Variants in RBFOX3 observed in about 807,000 individuals in gnomAD.
RBFOX3 encodes RNA binding fox-1 homolog 3.
Under a neutral mutation model 48.7 loss-of-function variants are expected in RBFOX3, and 17 were observed. That is an observed-to-expected ratio of 0.35 (90% confidence interval 0.24 to 0.52). The LOEUF (loss-of-function observed/expected upper bound fraction) is 0.52. Ranked by LOEUF, RBFOX3 falls within the 20% of genes least tolerant of loss-of-function variation. The pLI is 0.94. For synonymous variants in RBFOX3, 212 were observed against 209.5 expected (o/e 1.01, Z -0.10); for missense variants, 382 against 497.5 (o/e 0.77, Z 2.21).
chr17:79,340,151 T>C (rs2081833838), intron 2 of RBFOX3, among the ~76,000 whole-genome samples: 1 of 151,792 alleles, frequency 6.6e-6, no homozygotes, highest in South Asian at 2.1e-4. Context: ...ATACAAAAAT[T>C]AGCCAGGTGT....
intron 1 of RBFOX3, among the ~76,000 whole-genome samples, chr17:79,532,870 G>A (rs1292795859): frequency 6.6e-6 from 1 of 152,226 alleles, no homozygotes; most frequent in African/African-American, 2.4e-5. Context: ...GTCAGGGAAG[G>A]GGTGGCCCCT....
intron 3 of RBFOX3, among the ~76,000 whole-genome samples, chr17:79,255,725 C>T (rs11870114): frequency 0.055 from 8,363 of 152,022 alleles, 559 homozygotes; most frequent in African/African-American, 0.16. Context: ...ATCACCATCC[C>T]GGGGGCACCT....
At chr17:79,098,365 AATG>A (rs2075793148) in intron 9 of RBFOX3, 1 of 153,388 alleles carries the variant, frequency 6.5e-6, no homozygotes, top group Admixed American at 6.4e-5. Flanking sequence ...TTGGACTGGG[AATG>A]ATAATAAGGA....
At chr17:79,306,726 G>C (rs2145553147) in intron 3 of RBFOX3, among the ~76,000 whole-genome samples, 1 of 152,306 alleles carries the variant, frequency 6.6e-6, no homozygotes, top group East Asian at 1.9e-4. Context: ...TGGCTGCCCA[G>C]ATACCAACAG....
chr17:79,321,705 C>CTT (rs55633027), intron 2 of RBFOX3, among the ~76,000 whole-genome samples: 91,418 of 134,038 alleles, frequency 0.68, 31,631 homozygotes, highest in Non-Finnish European at 0.72. Context: ...AGGAATCTGG[C>CTT]TTTTTTTTTT....
chr17:79,239,465 G>A (rs529357700), intron 3 of RBFOX3, among the ~76,000 whole-genome samples: 1 of 152,322 alleles, frequency 6.6e-6, no homozygotes, highest in East Asian at 1.9e-4. Flanking sequence ...TTCCCCAAGT[G>A]CACATGCAGT....
At chr17:79,474,837 G>A (rs2077503426) in intron 2 of RBFOX3, among the ~76,000 whole-genome samples, 1 of 152,082 alleles carries the variant, frequency 6.6e-6, no homozygotes, top group Non-Finnish European at 1.5e-5. Flanking sequence ...ACCCAAAAAT[G>A]TGTCCACATC....
upstream of RBFOX3, among the ~76,000 whole-genome samples, chr17:79,614,939 G>A (rs1162363877): frequency 6.6e-6 from 1 of 151,854 alleles, no homozygotes; most frequent in Non-Finnish European, 1.5e-5. Flanking sequence ...GGAGGAGGAG[G>A]AGAAGAAAGG....
chr17:79,210,853 C>T (rs187775955), intron 4 of RBFOX3, among the ~76,000 whole-genome samples: 11 of 150,772 alleles, frequency 7.3e-5, no homozygotes, highest in African/African-American at 1.7e-4. Context: ...CTCCAGCGTC[C>T]GGTGATCTCA....
chr17:79,150,968 G>A (rs775743183), intron 4 of RBFOX3, among the ~76,000 whole-genome samples: 1 of 152,210 alleles, frequency 6.6e-6, no homozygotes, highest in Non-Finnish European at 1.5e-5. Context: ...AGAGGGCTGG[G>A]CAGTGCTGGT....
chr17:79,356,367 TTTTTTTTTTTTTTTTTTTTG>T (rs2085072717), intron 2 of RBFOX3, among the ~76,000 whole-genome samples: 1 of 76,998 alleles, frequency 1.3e-5, no homozygotes, highest in Non-Finnish European at 2.8e-5. Context: ...TTTTTTTTTT[TTTTTTTTTTTTTTTTTTTTG>T]AGGAGGAGTC....
chr17:79,258,414 G>T (rs11649881), intron 3 of RBFOX3, among the ~76,000 whole-genome samples: 1 of 152,212 alleles, frequency 6.6e-6, no homozygotes, highest in Non-Finnish European at 1.5e-5. Flanking sequence ...GAACCCACCA[G>T]GTGTGTTGCC....
At position 79,436,151 on chromosome 17, in the gene RBFOX3, C is replaced by T. The variant is rs564892011; in HGVS notation, c.-175+46303G>A. 8.0e-4 allele frequency among the ~76,000 whole-genome samples: 122 copies of T among 152,298 alleles called. 1 individual carries two copies. The highest frequency in any genetic ancestry group is 2.9e-3 in the African/African-American group (119 of 41,550). On this transcript the variant is annotated intron_variant, in intron 2 of 14. Coordinates refer to ENST00000693108, the MANE Select transcript of RBFOX3 (RefSeq NM_001350451.2). ...CTAGAAGAATGTCAGCAAACACCCC[C>T]GGGTAGGCAGCCGCTGGGCATCTGC...
intron 9 of RBFOX3, chr17:79,098,106 C>A (rs753673767): frequency 3.9e-6 from 1 of 255,436 alleles, no homozygotes; most frequent in Non-Finnish European, 7.8e-6. Flanking sequence ...CCCCCCTGAG[C>A]ACAGCTGGGA....
intron 4 of RBFOX3, among the ~76,000 whole-genome samples, chr17:79,159,660 G>A (rs995800703): frequency 3.3e-5 from 5 of 152,172 alleles, no homozygotes; most frequent in Non-Finnish European, 1.5e-5. Context: ...GCACAGGACC[G>A]TGCCCACGCC....
At chr17:79,194,054 C>G (rs1357686546) in intron 4 of RBFOX3, among the ~76,000 whole-genome samples, 2 of 152,100 alleles carry the variant, frequency 1.3e-5, no homozygotes, top group African/African-American at 4.8e-5. Context: ...TGATGTTCTC[C>G]CTGCCCTGTG....
chr17:79,340,332 C>T (rs1340360840), intron 2 of RBFOX3, among the ~76,000 whole-genome samples: 1 of 150,930 alleles, frequency 6.6e-6, no homozygotes, highest in Non-Finnish European at 1.5e-5. Flanking sequence ...ACAAAACTCT[C>T]TGAGCATGAT....
chr17:79,530,833 G>A (rs916363064), intron 1 of RBFOX3, among the ~76,000 whole-genome samples: 7 of 152,214 alleles, frequency 4.6e-5, no homozygotes, highest in South Asian at 4.1e-4. Flanking sequence ...CTCCAAGGCC[G>A]TCTATACTGG....
At chr17:79,425,114 C>A (rs2067124179) in intron 2 of RBFOX3, among the ~76,000 whole-genome samples, 1 of 152,164 alleles carries the variant, frequency 6.6e-6, no homozygotes, top group African/African-American at 2.4e-5. Flanking sequence ...CCTCTCTCAC[C>A]TCCTCTTGCT....
Sources: gnomAD v4.1 joint callset for allele counts (sites outside exome capture counted in the v4.1 genomes callset) on GRCh38, gnomAD v4.1.1 for gene constraint, MANE v1.5 for transcripts, NCBI Gene and HGNC (gene_info 2026-07-23, HGNC 2026-07-21) for gene names.